Variants in FAXC observed in about 807,000 individuals in gnomAD.
The protein encoded by FAXC is failed axon connections homolog, metaxin like GST domain containing.
A neutral mutation model predicts 41.9 loss-of-function variants in FAXC; 10 were observed. The observed-to-expected ratio is 0.24, with a 90% CI of 0.15 to 0.41. The LOEUF is 0.41. Among genes scored for constraint, FAXC ranks in the 10% least tolerant of loss-of-function variants. The pLI is 1.00. For synonymous variants in FAXC, 183 were observed against 183.8 expected, an observed-to-expected ratio of 1.00 and a Z score of 0.03; for missense variants, 399 against 510.9, an observed-to-expected ratio of 0.78 and a Z score of 2.11.
chr6:99,332,166 A>C (rs914147765), intron 3 of FAXC, among the ~76,000 whole-genome samples: 8 of 152,190 alleles, frequency 5.3e-5, no homozygotes, highest in African/African-American at 1.2e-4. Context: ...TAAAAAGAGA[A>C]AAAGAAGAGG....
intron 2 of FAXC, among the ~76,000 whole-genome samples, chr6:99,335,590 A>C (rs1336280378): frequency 6.6e-6 from 1 of 152,220 alleles, no homozygotes; most frequent in Non-Finnish European, 1.5e-5. Context: ...GCTCCAGCCA[A>C]TGGATGCAGG....
chr6:99,303,389 A>T (rs543719196), intron 4 of FAXC, among the ~76,000 whole-genome samples: 1 of 152,328 alleles, frequency 6.6e-6, no homozygotes, highest in African/African-American at 2.4e-5. Context: ...TTGCCCTTAA[A>T]TATTTTAGAC....
chr6:99,344,583 T>C (rs971458276), intron 1 of FAXC, among the ~76,000 whole-genome samples: 1 of 151,866 alleles, frequency 6.6e-6, no homozygotes, highest in Non-Finnish European at 1.5e-5. Flanking sequence ...TTTGAAAATA[T>C]GTCAAGTAAA....
chr6:99,339,733 A>G (rs887920409), intron 2 of FAXC, among the ~76,000 whole-genome samples: 2 of 152,198 alleles, frequency 1.3e-5, no homozygotes, highest in African/African-American at 2.4e-5. Flanking sequence ...ACACACATAG[A>G]GCAATGCAAA....
At position 99,281,349 on chromosome 6, in the gene FAXC, T is replaced by A; in HGVS notation, c.1045A>T (p.Ser349Cys). 1 of 1,614,228 alleles carries A rather than the reference T, an allele frequency of 6.2e-7. No individual in the cohort carries two copies. The highest frequency in any genetic ancestry group is 1.1e-5 in the South Asian group (1 of 91,086). Residue 349 changes from serine to cysteine, a missense_variant, in exon 6 of 6, where the codon AGC (serine) becomes TGC (cysteine). By Grantham distance (112) the Ser-to-Cys change is moderately radical. This residue lies in a region of FAXC where 92 missense variants were observed against 94.9 expected (regional missense o/e 0.97). Coordinates refer to ENST00000389677, the MANE Select transcript of FAXC (RefSeq NM_032511.4). Reference protein sequence around the residue: ...DNTIYESEESSEGSKTHTPLL... With the variant: ...DNTIYESEESCEGSKTHTPLL... ...GGGGTGTGGGTTTTGCTGCCTTCGC[T>A]GCTCTCCTCAGACTCATAGATGGTA... is the stretch of plus-strand genomic sequence containing the variant.
chr6:99,322,788 T>A (rs998991422), intron 4 of FAXC, among the ~76,000 whole-genome samples: 2 of 152,164 alleles, frequency 1.3e-5, no homozygotes, highest in African/African-American at 4.8e-5. Flanking sequence ...CAAGAGTACA[T>A]CATTCTATTC....
At chr6:99,282,815 CA>C (rs758494328) in intron 5 of FAXC, among the ~76,000 whole-genome samples, 1 of 152,026 alleles carries the variant, frequency 6.6e-6, no homozygotes, top group Non-Finnish European at 1.5e-5. Flanking sequence ...AACAGATAAG[CA>C]AAAAATAAAA....
At chr6:99,313,309 CAAAT>C (rs1387437372) in intron 4 of FAXC, among the ~76,000 whole-genome samples, 2 of 152,128 alleles carry the variant, frequency 1.3e-5, no homozygotes, top group East Asian at 1.9e-4. Context: ...AATAAGTAAA[CAAAT>C]AAAGAGGTTG....
intron 3 of FAXC, among the ~76,000 whole-genome samples, chr6:99,326,274 C>T (rs940513518): frequency 2.0e-5 from 3 of 152,054 alleles, no homozygotes; most frequent in African/African-American, 7.3e-5. Flanking sequence ...CAAAACCAGG[C>T]AAGAGATGAT....
chr6:99,312,230 G>A (rs1772180505), intron 4 of FAXC, among the ~76,000 whole-genome samples: 1 of 152,200 alleles, frequency 6.6e-6, no homozygotes, highest in Non-Finnish European at 1.5e-5. Flanking sequence ...ACCATTAGAA[G>A]AGGGTGCAAG....
At chr6:99,330,348 A>G (rs1772987449) in intron 3 of FAXC, among the ~76,000 whole-genome samples, 1 of 152,198 alleles carries the variant, frequency 6.6e-6, no homozygotes, top group Admixed American at 6.5e-5. Flanking sequence ...CCCCGTGTCA[A>G]GTTGACTTCC....
At chr6:99,348,050 T>C (rs1467501811) in intron 1 of FAXC, among the ~76,000 whole-genome samples, 1 of 152,224 alleles carries the variant, frequency 6.6e-6, no homozygotes, top group African/African-American at 2.4e-5. Context: ...AATGCCTACA[T>C]TAGGCCATCA....
At chr6:99,289,502 T>C (rs1329518686) in intron 5 of FAXC, among the ~76,000 whole-genome samples, 1 of 152,046 alleles carries the variant, frequency 6.6e-6, no homozygotes, top group Non-Finnish European at 1.5e-5. Context: ...AAAAAAATTT[T>C]TTAATTAGCT....
rs543306488 is a variant in FAXC at position 99,291,621 on chromosome 6, G to T, written c.940+83C>A. On this transcript the variant is annotated intron_variant, in intron 5 of 5. Coordinates refer to ENST00000389677, the MANE Select transcript of FAXC (RefSeq NM_032511.4). ...AAAGCACACCCAAGACGAAAGCATT[G>T]GTCTAGAATTCTCCACTGTGCTACC... The T allele has an allele frequency of 5.1e-5, 48 of 943,386 alleles. 1 individual carries two copies. The East Asian group carries it at 1.1e-3, about 22-fold the overall frequency. The allele number at this position is 943,386 out of a possible 1,614,324, so 58.4% of individuals were successfully genotyped here.
intron 5 of FAXC, among the ~76,000 whole-genome samples, chr6:99,287,043 T>C (rs1771055499): frequency 6.6e-6 from 1 of 152,146 alleles, no homozygotes; most frequent in Non-Finnish European, 1.5e-5. Flanking sequence ...AGCAAGAGTA[T>C]ATATTTATAA....
chr6:99,284,559 CTGTG>C (rs74553398), intron 5 of FAXC, among the ~76,000 whole-genome samples: 16,356 of 118,724 alleles, frequency 0.14, 975 homozygotes, highest in Middle Eastern at 0.25. Flanking sequence ...TGTGGAGTGT[CTGTG>C]TGTGTGTGTG....
In FAXC at chr6:99,273,451, G is replaced by A. The variant is rs1374188663; in HGVS notation, c.*7713C>T. ...ATACATCCTGCATTTGCATTATCTG[G>A]GTATCACCTCACCCCTACTTTCTTT... is the stretch of plus-strand genomic sequence containing the variant. On this transcript the variant is annotated 3_prime_UTR_variant, in exon 6 of 6. Coordinates refer to ENST00000389677, the MANE Select transcript of FAXC (RefSeq NM_032511.4). 6.7e-6 allele frequency: 1 copy of A among 150,352 alleles called. No homozygotes were observed. Among genetic ancestry groups the A allele is most frequent in the African/African-American group, 2.5e-5 (1 of 40,758 alleles). The allele number at this position is 150,352 out of a possible 1,614,324, so 9.3% of individuals were successfully genotyped here.
intron 4 of FAXC, among the ~76,000 whole-genome samples, chr6:99,311,151 G>A (rs608591): frequency 0.05 from 7,673 of 152,290 alleles, 615 homozygotes; most frequent in African/African-American, 0.17. Context: ...TTCAGCAGGG[G>A]TGAGTAGCAG....
intron 4 of FAXC, among the ~76,000 whole-genome samples, chr6:99,321,775 T>C (rs1772597852): frequency 6.6e-6 from 1 of 152,280 alleles, no homozygotes; most frequent in South Asian, 2.1e-4. Context: ...TTATTATTGC[T>C]ATCACCCTGC....
Sources: gnomAD v4.1 joint callset for allele counts (sites outside exome capture counted in the v4.1 genomes callset) on GRCh38, gnomAD v4.1.1 for gene constraint, gnomAD v4.1.1 regional missense constraint, MANE v1.5 for transcripts, NCBI Gene and HGNC (gene_info 2026-07-23, HGNC 2026-07-21) for gene names.